FGF12: variants seen among roughly 807,000 people sequenced by gnomAD.
FGF12 encodes fibroblast growth factor 12B.
In FGF12, 14 loss-of-function variants were observed where a neutral mutation model predicts 23.6. The ratio of observed to expected loss-of-function variants is 0.59; its 90% confidence interval spans 0.39 to 0.93. FGF12 has a LOEUF of 0.93. Ranked by LOEUF, FGF12 falls within the 40% of genes least tolerant of loss-of-function variation. The pLI is 0.00. For synonymous variants in FGF12, 62 were observed against 77.3 expected (o/e 0.80, Z 1.04); for missense variants, 175 against 217.8 (o/e 0.80, Z 1.24).
chr3:192,156,136 G>A (rs1426525763), intron 5 of FGF12, among the ~76,000 whole-genome samples: 1 of 152,048 alleles, frequency 6.6e-6, no homozygotes, highest in Non-Finnish European at 1.5e-5. Context: ...CTTCAGCTAT[G>A]AGAACAAAAT....
chr3:192,181,771 C>T (rs959728927), intron 4 of FGF12, among the ~76,000 whole-genome samples: 1 of 151,588 alleles, frequency 6.6e-6, no homozygotes, highest in Non-Finnish European at 1.5e-5. Context: ...GCTGGGACTA[C>T]AGGCATGCAC....
chr3:192,173,227 AT>A (rs1179145348), intron 4 of FGF12, among the ~76,000 whole-genome samples: 2 of 150,952 alleles, frequency 1.3e-5, no homozygotes, highest in Admixed American at 1.3e-4. Context: ...AACTTTCTGA[AT>A]GTACCAAAAA....
At chr3:192,540,027 C>G (rs1370407770) in intron 2 of FGF12, among the ~76,000 whole-genome samples, 1 of 150,602 alleles carries the variant, frequency 6.6e-6, no homozygotes, top group East Asian at 1.9e-4. Flanking sequence ...TTTTGGGGTC[C>G]TTCTCTCTTT....
At chr3:192,177,219 A>G (rs1715910830) in intron 4 of FGF12, among the ~76,000 whole-genome samples, 1 of 152,210 alleles carries the variant, frequency 6.6e-6, no homozygotes, top group African/African-American at 2.4e-5. Context: ...TCCACTGTAC[A>G]CTGAAGATAC....
chr3:192,184,036 A>T (rs1716322965), intron 4 of FGF12, among the ~76,000 whole-genome samples: 1 of 152,122 alleles, frequency 6.6e-6, no homozygotes, highest in South Asian at 2.1e-4. Flanking sequence ...CAGCCTGGGT[A>T]ACATGACAAA....
chr3:192,253,914 G>A (rs552314001), intron 4 of FGF12, among the ~76,000 whole-genome samples: 2 of 151,824 alleles, frequency 1.3e-5, no homozygotes, highest in Non-Finnish European at 2.9e-5. Flanking sequence ...TTAACTTGAC[G>A]AATAAAAAAT....
chr3:192,435,556 C>A (rs1485214919), intron 2 of FGF12, among the ~76,000 whole-genome samples: 1 of 152,176 alleles, frequency 6.6e-6, no homozygotes, highest in Non-Finnish European at 1.5e-5. Context: ...AACCCAATTT[C>A]TGGTCCCAGA....
At chr3:192,406,753 G>A (rs1457930811) in intron 2 of FGF12, among the ~76,000 whole-genome samples, 2 of 152,210 alleles carry the variant, frequency 1.3e-5, no homozygotes, top group South Asian at 2.1e-4. Context: ...AAACAGGGTC[G>A]CTTCTTCACA....
intron 2 of FGF12, among the ~76,000 whole-genome samples, chr3:192,392,834 G>T (rs1720366998): frequency 6.6e-6 from 1 of 152,192 alleles, no homozygotes; most frequent in Admixed American, 6.5e-5. Context: ...AGATGTAAAT[G>T]AATGTACAGT....
chr3:192,502,042 T>C (rs1724147861), intron 2 of FGF12, among the ~76,000 whole-genome samples: 1 of 152,202 alleles, frequency 6.6e-6, no homozygotes, highest in Non-Finnish European at 1.5e-5. Flanking sequence ...TATAGCTAGA[T>C]AGATACCAGT....
chr3:192,234,932 A>G (rs1719207491), intron 4 of FGF12, among the ~76,000 whole-genome samples: 1 of 151,992 alleles, frequency 6.6e-6, no homozygotes. Context: ...GTGCTGCTGG[A>G]TTTGGTTTGC....
chr3:192,410,542 T>C (rs1721167277), intron 2 of FGF12, among the ~76,000 whole-genome samples: 2 of 152,176 alleles, frequency 1.3e-5, no homozygotes, highest in Admixed American at 1.3e-4. Context: ...TAGAATTCTC[T>C]GTTTAGTTAG....
In FGF12 at chr3:192,340,946, A is replaced by C. The variant is rs527285141; in HGVS notation, c.125-5482T>G. Reference sequence around the variant, plus strand: ...GAAAAGCACAGGCAAATGAAAGCAAAAACTAGACAAGTGGGATTACATTAA... The same window carrying C: ...GAAAAGCACAGGCAAATGAAAGCAACAACTAGACAAGTGGGATTACATTAA... On this transcript the variant is annotated intron_variant, in intron 3 of 5. Coordinates refer to ENST00000445105, the MANE Select transcript of FGF12 (RefSeq NM_004113.6). Among the ~76,000 whole-genome samples, 169 of 152,350 alleles carry C rather than the reference A, an allele frequency of 1.1e-3. 2 individuals carry two copies. The highest frequency in any genetic ancestry group is 3.8e-3 in the African/African-American group (157 of 41,584).
chr3:192,703,194 G>T lies in FGF12; in HGVS notation c.13+23987C>A, dbSNP rs968541841. Among the ~76,000 whole-genome samples the T allele has an allele frequency of 3.9e-5, 6 of 152,054 alleles. No individual in the cohort carries two copies. In the South Asian group the frequency reaches 1.2e-3, roughly 32 times the overall value. On this transcript the variant is annotated intron_variant, in intron 2 of 5. Transcript: ENST00000445105. Reference sequence around the variant, plus strand: ...ATACCTTACAGATATAGTGGGTTGGGTTCCGGACAACCACAATAAAGTGAA... The same window carrying T: ...ATACCTTACAGATATAGTGGGTTGGTTTCCGGACAACCACAATAAAGTGAA...
At chr3:192,473,615 T>G (rs1431269444) in intron 2 of FGF12, among the ~76,000 whole-genome samples, 1 of 152,202 alleles carries the variant, frequency 6.6e-6, no homozygotes, top group Non-Finnish European at 1.5e-5. Context: ...TGTAGTATTT[T>G]GGGTTACTGT....
intron 2 of FGF12, among the ~76,000 whole-genome samples, chr3:192,401,446 AT>A (rs1216553905): frequency 6.6e-6 from 1 of 152,194 alleles, no homozygotes; most frequent in Non-Finnish European, 1.5e-5. Flanking sequence ...ATTAGGAAAT[AT>A]TTTTTATGAA....
intron 2 of FGF12, among the ~76,000 whole-genome samples, chr3:192,721,486 A>G (rs915928914): frequency 2.0e-5 from 3 of 152,196 alleles, no homozygotes; most frequent in Non-Finnish European, 4.4e-5. Flanking sequence ...CTTTTGAAAA[A>G]GTACAAAGTG....
Position 192,360,810 on chromosome 3 carries a change from A to T in FGF12, c.14-272T>A, listed in dbSNP as rs1234658669. ...ACAGAGACATGCTAAAAAGTGAGTT[A>T]TTTTCCTCCTTTGTGCATCTGGTGT... On this transcript the variant is annotated intron_variant, in intron 2 of 5. Transcript: ENST00000445105. This position sits in a 1 kb window ranked among gnomAD's most constrained non-coding sequence, Gnocchi z 4.3. 2.3e-6 allele frequency: 1 copy of T among 425,688 alleles called. No homozygotes were observed. Among genetic ancestry groups the T allele is most frequent in the African/African-American group, 2.0e-5 (1 of 49,616 alleles). The allele number at this position is 425,688 out of a possible 1,614,324, so 26.4% of individuals were successfully genotyped here. A position where few individuals can be genotyped will look rare whatever the true frequency, so the allele number is the denominator to read the frequency against.
chr3:192,470,466 G>A (rs563627828), intron 2 of FGF12, among the ~76,000 whole-genome samples: 6 of 152,110 alleles, frequency 3.9e-5, no homozygotes, highest in Admixed American at 6.5e-5. Context: ...TTGGCTCACC[G>A]CAACCTCTGC....
Sources: gnomAD v4.1 joint callset for allele counts (sites outside exome capture counted in the v4.1 genomes callset) on GRCh38, gnomAD v4.1.1 for gene constraint, Gnocchi (gnomAD v3.1) non-coding constraint, MANE v1.5 for transcripts, NCBI Gene and HGNC (gene_info 2026-07-23, HGNC 2026-07-21) for gene names.